Variants in TOX observed in about 807,000 individuals in gnomAD.
TOX encodes the protein thymocyte selection associated high mobility group box.
In TOX, 11 loss-of-function variants were observed where a neutral mutation model predicts 53.7. The ratio of observed to expected loss-of-function variants is 0.20; its 90% CI spans 0.13 to 0.34. The LOEUF (loss-of-function observed/expected upper bound fraction) is 0.34, where lower values mean the gene tolerates loss of function less well. Among genes scored for constraint, TOX ranks in the 10% least tolerant of loss-of-function variants. The probability of loss-of-function intolerance (pLI) is 1.00; values close to 1 mark genes in which losing one functional copy is unlikely to be tolerated. For missense variants in TOX, 570 were observed against 664.6 expected, an observed-to-expected ratio of 0.86 and a Z score of 1.56; for synonymous variants, 225 against 245.3, an observed-to-expected ratio of 0.92 and a Z score of 0.77.
intron 2 of TOX, among the ~76,000 whole-genome samples, chr8:58,952,117 G>A (rs1006862950): frequency 2.6e-5 from 4 of 152,156 alleles, no homozygotes; most frequent in African/African-American, 9.7e-5. Context: ...TGAAGTGGCA[G>A]GTGAGGATAC....
intron 1 of TOX, among the ~76,000 whole-genome samples, chr8:59,100,346 G>C (rs1041513219): frequency 2.6e-5 from 4 of 152,180 alleles, no homozygotes; most frequent in African/African-American, 7.2e-5. Flanking sequence ...CAAGGAGAGA[G>C]AGGTGCTTTC....
chr8:58,952,243 T>C (rs2129177699), intron 2 of TOX, among the ~76,000 whole-genome samples: 1 of 152,316 alleles, frequency 6.6e-6, no homozygotes, highest in Admixed American at 6.5e-5. Flanking sequence ...CATAATGACA[T>C]ATTGAAAATT....
Position 58,873,958 on chromosome 8 carries a change from C to CTTTTTTTTTTTTTTTTTTTTTTTTTTTTT in TOX, c.412-22154_412-22153insAAAAAAAAAAAAAAAAAAAAAAAAAAAAA, listed in dbSNP as rs1173710545. Among the ~76,000 whole-genome samples the CTTTTTTTTTTTTTTTTTTTTTTTTTTTTT allele has an allele frequency of 7.7e-4, 31 of 40,136 alleles. 8 individuals are homozygous for CTTTTTTTTTTTTTTTTTTTTTTTTTTTTT. Among genetic ancestry groups the CTTTTTTTTTTTTTTTTTTTTTTTTTTTTT allele is most frequent in the African/African-American group, 1.7e-3 (10 of 5,792 alleles). 26.3% of individuals were successfully genotyped at this position (40,136 alleles called of 152,430 possible). On this transcript the variant is annotated intron_variant, in intron 3 of 8. Transcript: ENST00000361421. ...AATACACATCCTGAATGCCAGGAAG[C>CTTTTTTTTTTTTTTTTTTTTTTTTTTTTT]TTTTTTTTTTTTTTTTTTTTTTTTT... is the stretch of plus-strand genomic sequence containing the variant.
intron 3 of TOX, among the ~76,000 whole-genome samples, chr8:58,937,414 A>G (rs970592315): frequency 2.0e-5 from 3 of 152,212 alleles, no homozygotes; most frequent in Non-Finnish European, 2.9e-5. Flanking sequence ...CTGATAGGGA[A>G]AGAGGAAGGG....
intron 1 of TOX, among the ~76,000 whole-genome samples, chr8:58,968,447 GA>G (rs1812942812): frequency 6.6e-6 from 1 of 152,160 alleles, no homozygotes; most frequent in African/African-American, 2.4e-5. Flanking sequence ...GATTGGTTCA[GA>G]ACACTCCTCT....
chr8:59,002,409 G>A (rs1813707530), intron 1 of TOX, among the ~76,000 whole-genome samples: 2 of 151,502 alleles, frequency 1.3e-5, no homozygotes, highest in African/African-American at 4.8e-5. Context: ...TGGCTAACAC[G>A]GTGAAACCCC....
At chr8:58,891,123 A>G (rs935446116) in intron 3 of TOX, among the ~76,000 whole-genome samples, 3 of 152,138 alleles carry the variant, frequency 2.0e-5, no homozygotes, top group African/African-American at 7.2e-5. Flanking sequence ...GGGGTGATAA[A>G]GAGAGGAAAG....
chr8:58,964,653 C>T (rs1563402793), intron 1 of TOX, among the ~76,000 whole-genome samples: 2 of 152,206 alleles, frequency 1.3e-5, no homozygotes, highest in Non-Finnish European at 2.9e-5. Flanking sequence ...CAGAATCTCT[C>T]ATGTCATGAT....
At chr8:58,809,624 A>G (rs1810044171) in intron 7 of TOX, among the ~76,000 whole-genome samples, 1 of 152,218 alleles carries the variant, frequency 6.6e-6, no homozygotes, top group South Asian at 2.1e-4. Flanking sequence ...CACAGACTAA[A>G]AGAAATTCAC....
At chr8:58,896,425 C>G (rs1395969397) in intron 3 of TOX, among the ~76,000 whole-genome samples, 2 of 152,116 alleles carry the variant, frequency 1.3e-5, no homozygotes, top group Non-Finnish European at 2.9e-5. Context: ...CGCCTGTAAT[C>G]CCAGCACTTT....
In TOX at chr8:59,063,831, G is replaced by A. The variant is rs145263589; in HGVS notation, c.102+55055C>T. ...CACTGTAAATCACATGAACCAAAAC[G>A]TCTATAGACATATCTAAGTAAAGAA... On this transcript the variant is annotated intron_variant, in intron 1 of 8. Transcript: ENST00000361421. Among the ~76,000 whole-genome samples the A allele has an allele frequency of 2.5e-3, 384 of 152,078 alleles. 1 individual carries two copies. Among genetic ancestry groups the A allele is most frequent in the South Asian group, 4.4e-3 (21 of 4,810 alleles).
Position 58,966,220 on chromosome 8 carries a change from C to T in TOX, c.103-6212G>A, listed in dbSNP as rs75275584. Among the ~76,000 whole-genome samples the T allele has an allele frequency of 5.0e-3, 764 of 152,220 alleles. 8 individuals carry two copies. The highest frequency in any genetic ancestry group is 0.017 in the African/African-American group (725 of 41,532). On this transcript the variant is annotated intron_variant, in intron 1 of 8. Transcript: ENST00000361421. Reference sequence around the variant, plus strand: ...TGATACAAGTCTTAAGTCAGTCTGCCTCCATGCTGAGCCCAGCTGAATGAA... The same window carrying T: ...TGATACAAGTCTTAAGTCAGTCTGCTTCCATGCTGAGCCCAGCTGAATGAA...
intron 1 of TOX, among the ~76,000 whole-genome samples, chr8:59,022,323 G>A (rs915825741): frequency 6.6e-5 from 10 of 152,066 alleles, no homozygotes; most frequent in Non-Finnish European, 1.3e-4. Flanking sequence ...GGAGGGGGAG[G>A]ATCAGTGTAG....
chr8:58,932,319 T>C (rs1018744212), intron 3 of TOX, among the ~76,000 whole-genome samples: 4 of 152,084 alleles, frequency 2.6e-5, no homozygotes, highest in African/African-American at 9.7e-5. Flanking sequence ...AAACATTTGA[T>C]GAATTGTGGC....
At position 58,815,383 on chromosome 8, in the gene TOX, G is replaced by A; in HGVS notation, c.1347C>T (p.Leu449=). The part of the protein sequence containing the change: ...LTMQQPLGNQ[L]PMQVQSALHS... Reference sequence around the variant, plus strand: ...GTAAGGCAGACTGGACCTGCATGGGGAGCTGGTTCCCAAGGGGCTGCTGCA... The same window carrying A: ...GTAAGGCAGACTGGACCTGCATGGGAAGCTGGTTCCCAAGGGGCTGCTGCA... The change falls in exon 7 of 9, where the codon CTC becomes CTT. Residue 449 remains leucine (L), a synonymous_variant. Coordinates refer to ENST00000361421, the MANE Select transcript of TOX (RefSeq NM_014729.3). 1.2e-6 allele frequency: 2 copies of A among 1,612,686 alleles called. No homozygotes were observed. The highest frequency in any genetic ancestry group is 8.5e-7 in the Non-Finnish European group (1 of 1,179,374).
intron 4 of TOX, among the ~76,000 whole-genome samples, chr8:58,841,624 A>G (rs754158280): frequency 2.6e-5 from 4 of 152,200 alleles, no homozygotes; most frequent in Admixed American, 6.5e-5. Context: ...TGTGTTGTAC[A>G]CTTGAAATTT....
chr8:58,956,624 T>A (rs981241828), intron 2 of TOX, among the ~76,000 whole-genome samples: 1 of 152,138 alleles, frequency 6.6e-6, no homozygotes, highest in Non-Finnish European at 1.5e-5. Flanking sequence ...TATTTTGAGA[T>A]ATAATCTTGC....
intron 3 of TOX, among the ~76,000 whole-genome samples, chr8:58,908,221 C>T (rs771441808): frequency 6.6e-5 from 10 of 152,134 alleles, no homozygotes; most frequent in Non-Finnish European, 8.8e-5. Context: ...TAAAATCCTT[C>T]ATCATAGAAC....
At chr8:59,033,297 C>T (rs1464964900) in intron 1 of TOX, among the ~76,000 whole-genome samples, 2 of 152,132 alleles carry the variant, frequency 1.3e-5, no homozygotes, top group Non-Finnish European at 2.9e-5. Context: ...CAGGCTGGTG[C>T]CCCTAGCACA....
Sources: allele counts gnomAD v4.1 joint callset (sites outside exome capture counted in the v4.1 genomes callset), GRCh38; gene constraint gnomAD v4.1.1; transcripts MANE v1.5; gene names NCBI Gene and HGNC (gene_info 2026-07-23, HGNC 2026-07-21).